XRN2: variants seen among roughly 807,000 people sequenced by gnomAD.
XRN2 encodes the protein DHM1-like protein.
Under a neutral mutation model 138.5 loss-of-function variants are expected in XRN2, and 44 were observed. The observed-to-expected ratio is 0.32, with a 90% CI of 0.25 to 0.41. XRN2 has a LOEUF of 0.41. Among genes scored for constraint, XRN2 ranks in the 10% least tolerant of loss-of-function variants. The pLI is 1.00. For synonymous variants in XRN2, 354 were observed against 369.4 expected (o/e 0.96, Z 0.48); for missense variants, 937 against 1,169.3 (o/e 0.80, Z 2.90).
chr20:21,367,516 A>ACCTTTTT (rs1038549148), intron 26 of XRN2, among the ~76,000 whole-genome samples: 4 of 151,090 alleles, frequency 2.6e-5, no homozygotes, highest in Admixed American at 2.6e-4. Context: ...GGATTCAGAT[A>ACCTTTTT]CCTTTTTTTT....
Position 21,357,887 on chromosome 20 carries a change from C to CTG in XRN2, c.2255+97_2255+98dup, listed in dbSNP as rs2038594938. The CTG allele has an allele frequency of 2.8e-5, 29 of 1,047,384 alleles. No individual in the cohort carries two copies. In the South Asian group the frequency reaches 4.8e-4, roughly 17 times the overall value. The allele number at this position is 1,047,384 out of a possible 1,614,324, so 64.9% of individuals were successfully genotyped here. A position where few individuals can be genotyped will look rare whatever the true frequency, so the allele number is the denominator to read the frequency against. On this transcript the variant is annotated intron_variant, in intron 24 of 29. Coordinates refer to ENST00000377191, the MANE Select transcript of XRN2 (RefSeq NM_012255.5). ...CCTTTGATTCACAAGGAAATGGCAG[C>CTG]TGTTAATCCACCAATGCTTCGAGAT... is the stretch of plus-strand genomic sequence containing the variant.
At chr20:21,318,708 C>T (rs1234021868) in intron 1 of XRN2, among the ~76,000 whole-genome samples, 1 of 151,862 alleles carries the variant, frequency 6.6e-6, no homozygotes, top group Non-Finnish European at 1.5e-5. Context: ...TTCCTAGATC[C>T]CTTGGTTATT....
intron 1 of XRN2, chr20:21,303,857 G>GC: frequency 2.0e-6 from 2 of 985,412 alleles, no homozygotes; most frequent in Non-Finnish European, 2.4e-6. Context: ...GGTCAGCTGA[G>GC]CTAGCGGGTT....
chr20:21,365,840 T>A (rs1290489933), intron 26 of XRN2, 136 bp downstream of exon 26: 1 of 146,146 alleles, frequency 6.8e-6, no homozygotes, highest in South Asian at 2.1e-4. Context: ...ATATTATATA[T>A]AATATATAAT....
rs575868414 is a variant in XRN2, at chr20:21,375,635, C to A, written c.2585-6359C>A. On this transcript the variant is annotated intron_variant, in intron 27 of 29. Coordinates refer to ENST00000377191, the MANE Select transcript of XRN2 (RefSeq NM_012255.5). The stretch of plus-strand genomic sequence containing the variant: ...TAATCTTTTAAAAATATATTTATTT[C>A]TTAACTGCAGGCTAAATTTCTAGAA... Among the ~76,000 whole-genome samples, 6 of 148,906 alleles carry A rather than the reference C, an allele frequency of 4.0e-5. No homozygotes were observed. The South Asian group carries it at 1.3e-3, about 31-fold the overall frequency.
chr20:21,343,649 TATATATCAC>T (rs2122240114), intron 15 of XRN2, among the ~76,000 whole-genome samples: 1 of 151,294 alleles, frequency 6.6e-6, no homozygotes, highest in African/African-American at 2.4e-5. Context: ...TAATGCATTT[TATATATCAC>T]ATAATTTTTT....
chr20:21,368,476 A>G lies in XRN2; in HGVS notation c.2470A>G (p.Arg824Gly), dbSNP rs2038727537. Reference protein sequence around the residue: ...AFRTLGHVMPRGSGTGIYSNA... With the variant: ...AFRTLGHVMPGGSGTGIYSNA... Reference sequence around the variant, plus strand: ...GTCCTTTTATAGCCATGTGATGCCAAGAGGCTCAGGAACTGGCATTTACAG... The same window carrying G: ...GTCCTTTTATAGCCATGTGATGCCAGGAGGCTCAGGAACTGGCATTTACAG... Residue 824 changes from arginine (R) to glycine (G), a missense_variant, in exon 27 of 30, where the codon AGA becomes GGA. By Grantham distance (125) the Arg-to-Gly change is moderately radical (BLOSUM62 -2). Around this residue, in one of 6 missense-constraint regions of XRN2, gnomAD observed 372 missense variants for 414.4 expected, o/e 0.90. Transcript: ENST00000377191. 6.2e-7 allele frequency: 1 copy of G among 1,613,992 alleles called. No homozygotes were observed. The highest frequency in any genetic ancestry group is 8.5e-7 in the Non-Finnish European group (1 of 1,179,930).
chr20:21,317,353 T>C (rs772320228), intron 1 of XRN2, among the ~76,000 whole-genome samples: 17 of 152,182 alleles, frequency 1.1e-4, no homozygotes, highest in Non-Finnish European at 2.1e-4. Flanking sequence ...TTTTTCTATA[T>C]GAAGATGATC....
At chr20:21,356,750 C>G in intron 23 of XRN2, 85 bp downstream of exon 23, 1 of 1,136,960 alleles carries the variant, frequency 8.8e-7, no homozygotes, top group Non-Finnish European at 1.3e-6. Flanking sequence ...TGTTTATTTT[C>G]TAATAATAGT....
rs1334985918 is a variant in XRN2 at position 21,368,711 on chromosome 20, C to T, written c.2584+121C>T. 30 of 1,326,992 alleles carry T rather than the reference C, an allele frequency of 2.3e-5. No individual in the cohort carries two copies. The Admixed American group carries it at 8.0e-4, about 35-fold the overall frequency. 82.2% of individuals were successfully genotyped at this position (1,326,992 alleles called of 1,614,324 possible). A position where few individuals can be genotyped will look rare whatever the true frequency, so the allele number is the denominator to read the frequency against. On this transcript the variant is annotated intron_variant, in intron 27 of 29. Transcript: ENST00000377191. ...CAGTGCAGACAGTGAACTTTAAAAACATGTAAGTTAGAAGAGTTGTGAGAG... is the reference window on the plus strand; with the variant it reads ...CAGTGCAGACAGTGAACTTTAAAAATATGTAAGTTAGAAGAGTTGTGAGAG...
chr20:21,305,511 T>C (rs2037804425), intron 1 of XRN2, among the ~76,000 whole-genome samples: 1 of 71,444 alleles, frequency 1.4e-5, no homozygotes, highest in Non-Finnish European at 3.2e-5. Flanking sequence ...TGCCTCAGCC[T>C]CCACAGTGCT....
chr20:21,352,757 G>A (rs1489308607), intron 20 of XRN2, among the ~76,000 whole-genome samples: 1 of 152,170 alleles, frequency 6.6e-6, no homozygotes, highest in Non-Finnish European at 1.5e-5. Context: ...ATTCCATCAA[G>A]TCACACAGTG....
rs572787648 is a variant in XRN2, at chr20:21,330,675, A to C, written c.546A>C (p.Leu182Phe). The change falls in exon 6 of 30, where the codon TTA (leucine) becomes TTC (phenylalanine). Residue 182 changes from leucine (L) to phenylalanine (F), a missense_variant. Transcript: ENST00000377191. ...KCLRYYIADR[L>F]NNDPGWKNLT... ...TTCGCTATTACATAGCTGATCGTTT[A>C]AATAATGACCCTGGGTGGAAAAATT... is the stretch of plus-strand genomic sequence containing the variant. The C allele has an allele frequency of 6.2e-7, 1 of 1,612,974 alleles. No homozygotes were observed. The highest frequency in any genetic ancestry group is 1.3e-5 in the African/African-American group (1 of 75,022).
At chr20:21,327,058 G>C (rs4813426) in intron 3 of XRN2, among the ~76,000 whole-genome samples, 1 of 151,956 alleles carries the variant, frequency 6.6e-6, no homozygotes, top group Non-Finnish European at 1.5e-5. Context: ...GGATGGGACA[G>C]GGTTTGGGGA....
intron 13 of XRN2, among the ~76,000 whole-genome samples, chr20:21,334,855 G>A (rs561721491): frequency 1.3e-5 from 2 of 152,166 alleles, no homozygotes; most frequent in South Asian, 4.2e-4. Flanking sequence ...TAATGTGAGG[G>A]GGCTGTAGGA....
chr20:21,383,711 T>A (rs1301625992), intron 28 of XRN2, among the ~76,000 whole-genome samples: 2 of 152,204 alleles, frequency 1.3e-5, no homozygotes, highest in African/African-American at 4.8e-5. Context: ...CCTAAGATCA[T>A]CATCATTGTC....
intron 8 of XRN2, 87 bp from the exon 9 acceptor site, chr20:21,332,192 TTTTC>T: frequency 6.8e-7 from 1 of 1,476,706 alleles, no homozygotes; most frequent in Non-Finnish European, 9.1e-7. Context: ...TCATTTGGGC[TTTTC>T]TTTGTGTTGG....
At chr20:21,303,609 C>G in intron 1 of XRN2, 136 bp downstream of exon 1, 1 of 1,374,558 alleles carries the variant, frequency 7.3e-7, no homozygotes, top group East Asian at 3.1e-5. Context: ...CGCGAGCAGT[C>G]GCAGCCCCAC....
chr20:21,387,474 G>GA (rs1229960478), intron 29 of XRN2, among the ~76,000 whole-genome samples: 7 of 152,126 alleles, frequency 4.6e-5, no homozygotes, highest in African/African-American at 1.7e-4. Context: ...CCTCATAAAA[G>GA]AAATTTCTGC....
Sources: allele counts gnomAD v4.1 joint callset (sites outside exome capture counted in the v4.1 genomes callset), GRCh38; gene constraint gnomAD v4.1.1; regional missense constraint gnomAD v4.1.1; transcripts MANE v1.5; gene names NCBI Gene and HGNC (gene_info 2026-07-23, HGNC 2026-07-21).